Variants in SLIT3 observed in about 807,000 individuals in gnomAD.
SLIT3 encodes the protein slit homolog 3 protein.
In SLIT3, 68 loss-of-function variants were observed where a neutral mutation model predicts 184.0. The observed-to-expected ratio is 0.37, with a 90% confidence interval of 0.30 to 0.45. SLIT3 has a LOEUF of 0.45. Among genes scored for constraint, SLIT3 ranks in the 20% least tolerant of loss-of-function variants. The pLI, the probability that SLIT3 is intolerant of heterozygous loss-of-function variation, is 1.00. For synonymous variants in SLIT3, 831 were observed against 828.6 expected (o/e 1.00, Z -0.05); for missense variants, 1,707 against 2,026.0 (o/e 0.84, Z 3.02).
intron 1 of SLIT3, among the ~76,000 whole-genome samples, chr5:169,261,191 G>T (rs1411282096): frequency 6.6e-6 from 1 of 152,222 alleles, no homozygotes; most frequent in African/African-American, 2.4e-5. Context: ...GAGTAATTGG[G>T]GTGTAGGGTC....
intron 29 of SLIT3, among the ~76,000 whole-genome samples, chr5:168,690,776 C>G (rs533336241): frequency 4.4e-5 from 6 of 137,778 alleles, no homozygotes; most frequent in Non-Finnish European, 9.2e-5. Flanking sequence ...CATGGAAGGG[C>G]TGAAGCTTCA....
At chr5:168,887,466 C>G (rs1379560296) in intron 4 of SLIT3, among the ~76,000 whole-genome samples, 2 of 152,176 alleles carry the variant, frequency 1.3e-5, no homozygotes, top group South Asian at 2.1e-4. Context: ...CTAAAATGCT[C>G]TTTGCCTCAG....
intron 4 of SLIT3, among the ~76,000 whole-genome samples, chr5:168,936,998 C>T (rs1246912013): frequency 2.0e-5 from 3 of 152,078 alleles, no homozygotes; most frequent in Non-Finnish European, 2.9e-5. Flanking sequence ...GTGAGTTTAT[C>T]ACACAAGGCA....
At chr5:169,088,675 C>A (rs1457901456) in intron 4 of SLIT3, among the ~76,000 whole-genome samples, 1 of 152,014 alleles carries the variant, frequency 6.6e-6, no homozygotes, top group Non-Finnish European at 1.5e-5. Context: ...GGCTGGGTAT[C>A]CAAATCTCCA....
At chr5:169,044,587 T>TGGGGGGGGGGGGAGGGAGGGG (rs57256659) in intron 4 of SLIT3, among the ~76,000 whole-genome samples, 1 of 70,644 alleles carries the variant, frequency 1.4e-5, no homozygotes, top group Non-Finnish European at 3.6e-5. Flanking sequence ...TGGAGGAAGG[T>TGGGGGGGGGGGGAGGGAGGGG]GGGGGGGGGG....
intron 4 of SLIT3, among the ~76,000 whole-genome samples, chr5:169,110,925 C>G (rs991958300): frequency 6.6e-6 from 1 of 152,190 alleles, no homozygotes; most frequent in African/African-American, 2.4e-5. Flanking sequence ...GGGTGAAGAC[C>G]GAGCTCTGTA....
At chr5:169,188,043 C>T (rs750260130) in intron 4 of SLIT3, among the ~76,000 whole-genome samples, 3 of 152,088 alleles carry the variant, frequency 2.0e-5, no homozygotes, top group Admixed American at 6.6e-5. Context: ...CTGCAACCTC[C>T]GTCTCCAGGG....
chr5:169,278,544 A>G (rs1033932557), intron 1 of SLIT3, among the ~76,000 whole-genome samples: 2 of 152,184 alleles, frequency 1.3e-5, no homozygotes, highest in African/African-American at 2.4e-5. Context: ...GTGAGGTCTC[A>G]GTAAAAGTTA....
chr5:168,907,944 GTATATATATATA>G (rs1224392381), intron 4 of SLIT3, among the ~76,000 whole-genome samples: 6 of 53,112 alleles, frequency 1.1e-4, no homozygotes, highest in African/African-American at 1.5e-4. Context: ...TATTATACGT[GTATATATATATA>G]TATATATATA....
At chr5:168,976,366 G>A (rs924437112) in intron 4 of SLIT3, among the ~76,000 whole-genome samples, 3 of 152,174 alleles carry the variant, frequency 2.0e-5, no homozygotes, top group African/African-American at 7.2e-5. Flanking sequence ...TTTCAGGTGG[G>A]TGTGTAAGAG....
chr5:169,019,045 A>G (rs1193944975), intron 4 of SLIT3, among the ~76,000 whole-genome samples: 1 of 152,204 alleles, frequency 6.6e-6, no homozygotes, highest in African/African-American at 2.4e-5. Flanking sequence ...GCTGGGCAAC[A>G]GGAAGGAAGC....
At position 169,270,676 on chromosome 5, in the gene SLIT3, G is replaced by A. The variant is rs111717092; in HGVS notation, c.198-19217C>T. Among the ~76,000 whole-genome samples, 42 of 152,124 alleles carry A rather than the reference G, an allele frequency of 2.8e-4. 1 individual carries two copies. The highest frequency in any genetic ancestry group is 1.4e-3 in the Admixed American group (22 of 15,274). On this transcript the variant is annotated intron_variant, in intron 1 of 35. Coordinates refer to ENST00000519560, the MANE Select transcript of SLIT3 (RefSeq NM_003062.4). ...GGCGCTTATATAGTCTAGGAGGGTC[G>A]AAAACAAGAAAGCGGCAGTCAAAAA...
At chr5:168,948,752 A>C (rs1415209895) in intron 4 of SLIT3, among the ~76,000 whole-genome samples, 1 of 152,156 alleles carries the variant, frequency 6.6e-6, no homozygotes, top group Non-Finnish European at 1.5e-5. Flanking sequence ...GAAGGCCAGA[A>C]CTCTGTTATT....
intron 5 of SLIT3, among the ~76,000 whole-genome samples, chr5:168,859,872 T>C (rs1759039107): frequency 6.6e-6 from 1 of 151,634 alleles, no homozygotes; most frequent in African/African-American, 2.4e-5. Flanking sequence ...TCCTAAGGAG[T>C]TATCTTCCTT....
chr5:168,930,764 A>T (rs1025977384), intron 4 of SLIT3, among the ~76,000 whole-genome samples: 1 of 151,810 alleles, frequency 6.6e-6, no homozygotes, highest in Non-Finnish European at 1.5e-5. Flanking sequence ...TTCACATGAG[A>T]AGCTAAGGTC....
chr5:169,123,013 CA>C (rs1252141191), intron 4 of SLIT3, among the ~76,000 whole-genome samples: 1 of 151,574 alleles, frequency 6.6e-6, no homozygotes, highest in African/African-American at 2.4e-5. Context: ...ATGAAATGAC[CA>C]AAATGATTAA....
chr5:168,792,799 C>T (rs1188038760), intron 10 of SLIT3, among the ~76,000 whole-genome samples: 6 of 152,164 alleles, frequency 3.9e-5, no homozygotes, highest in Non-Finnish European at 1.5e-5. Flanking sequence ...TTGAGTATCC[C>T]TAATCCAAAA....
chr5:169,061,369 CCAGG>C (rs1167237418), intron 4 of SLIT3, among the ~76,000 whole-genome samples: 1 of 152,142 alleles, frequency 6.6e-6, no homozygotes, highest in Non-Finnish European at 1.5e-5. Context: ...GGACCAGAAC[CCAGG>C]TTTGCTTGCC....
chr5:168,849,913 C>T (rs1034714785), intron 5 of SLIT3, among the ~76,000 whole-genome samples: 1 of 152,064 alleles, frequency 6.6e-6, no homozygotes, highest in African/African-American at 2.4e-5. Context: ...CTATTTCTTT[C>T]CTCCCTATTA....
Sources: gnomAD v4.1 joint callset for allele counts (sites outside exome capture counted in the v4.1 genomes callset) on GRCh38, gnomAD v4.1.1 for gene constraint, MANE v1.5 for transcripts, NCBI Gene and HGNC (gene_info 2026-07-23, HGNC 2026-07-21) for gene names.